Variants in SBNO2 observed in about 807,000 individuals in gnomAD.
The protein encoded by SBNO2 is strawberry notch homolog 2, also known as protein strawberry notch homolog 2.
A neutral mutation model predicts 146.3 loss-of-function variants in SBNO2; 89 were observed. That is an observed-to-expected ratio of 0.61 (90% CI 0.51 to 0.73). The LOEUF (loss-of-function observed/expected upper bound fraction) is 0.73. Ranked by LOEUF, SBNO2 falls within the 30% of genes least tolerant of loss-of-function variation. SBNO2 has a pLI of 0.00. For synonymous variants in SBNO2, 1,147 were observed against 892.6 expected (o/e 1.29, Z -5.08); for missense variants, 2,092 against 2,003.7 (o/e 1.04, Z -0.84).
chr19:1,129,100 T>C (rs2079999804), intron 4 of SBNO2, among the ~76,000 whole-genome samples: 2 of 148,284 alleles, frequency 1.3e-5, no homozygotes, highest in African/African-American at 2.5e-5. Context: ...AACCCTGTCT[T>C]TACTAAAAAC....
At chr19:1,125,322 G>A (rs939980036) in intron 5 of SBNO2, among the ~76,000 whole-genome samples, 4 of 140,554 alleles carry the variant, frequency 2.8e-5, no homozygotes, top group African/African-American at 1.1e-4. Context: ...TCACGCCATT[G>A]TACTCCAGCC....
chr19:1,127,502 G>A (rs751748356), intron 5 of SBNO2, 102 bp downstream of exon 5: 10 of 1,112,088 alleles, frequency 9.0e-6, no homozygotes, highest in East Asian at 4.7e-5. Flanking sequence ...CCATTGGCAC[G>A]CAGAGTGGGG....
At chr19:1,156,812 T>G (rs1270871783) in intron 1 of SBNO2, among the ~76,000 whole-genome samples, 1 of 149,510 alleles carries the variant, frequency 6.7e-6, no homozygotes, top group African/African-American at 2.4e-5. Context: ...CAGAAGGGGA[T>G]GCGTGGGTGC....
At chr19:1,170,694 A>G (rs2080468859) in intron 1 of SBNO2, among the ~76,000 whole-genome samples, 1 of 152,148 alleles carries the variant, frequency 6.6e-6, no homozygotes, top group Admixed American at 6.5e-5. Context: ...TGCACAAGAC[A>G]TGCACAAGCA....
At position 1,123,986 on chromosome 19, in the gene SBNO2, C is replaced by T. The variant is rs1473320120; in HGVS notation, c.478G>A (p.Asp160Asn). 1 of 1,612,098 alleles carries T rather than the reference C, an allele frequency of 6.2e-7. No individual in the cohort carries two copies. The highest frequency in any genetic ancestry group is 1.1e-5 in the South Asian group (1 of 90,828). Reference sequence around the variant, plus strand: ...GGGGTGCTGTGGGAGGGCAGAAAGTCCTCGAAGCCTGCAAACGGCCTGCTG... The same window carrying T: ...GGGGTGCTGTGGGAGGGCAGAAAGTTCTCGAAGCCTGCAAACGGCCTGCTG... ...QLSRPFAGFE[D>N]FLPSHSTPLL... The change falls in exon 6 of 32, where the codon GAC (aspartate) becomes AAC (asparagine). Residue 160 changes from aspartate (D) to asparagine (N), a missense_variant. Coordinates refer to ENST00000361757, the MANE Select transcript of SBNO2 (RefSeq NM_014963.3).
At chr19:1,143,582 G>A (rs1156994694) in intron 4 of SBNO2, among the ~76,000 whole-genome samples, 1 of 152,162 alleles carries the variant, frequency 6.6e-6, no homozygotes, top group Non-Finnish European at 1.5e-5. Flanking sequence ...CCTCCCGGGG[G>A]CTCCAGGGGA....
At position 1,172,775 on chromosome 19, in the gene SBNO2, A is replaced by ACCCCCCCCCCCCCCCCCC. The variant is rs200691444; in HGVS notation, c.-127+1396_-127+1397insGGGGGGGGGGGGGGGGGG. Among the ~76,000 whole-genome samples the ACCCCCCCCCCCCCCCCCC allele has an allele frequency of 4.3e-4, 17 of 39,602 alleles. 5 individuals are homozygous for ACCCCCCCCCCCCCCCCCC. Among genetic ancestry groups the ACCCCCCCCCCCCCCCCCC allele is most frequent in the African/African-American group, 4.0e-4 (2 of 4,996 alleles). 26.0% of individuals were successfully genotyped at this position (39,602 alleles called of 152,430 possible). A position where few individuals can be genotyped will look rare whatever the true frequency, so the allele number is the denominator to read the frequency against. On this transcript the variant is annotated intron_variant, in intron 1 of 31. Transcript: ENST00000361757. ...GCCCCTCTGTAAAACACTCACTGCA[A>ACCCCCCCCCCCCCCCCCC]CCGCCCCCCCCGCCCCGGCAAACTG... is the stretch of plus-strand genomic sequence containing the variant.
Position 1,157,112 on chromosome 19 carries a change from G to A in SBNO2, c.-126-2710C>T, listed in dbSNP as rs1202707559. 2.0e-5 allele frequency among the ~76,000 whole-genome samples: 3 copies of A among 151,770 alleles called. No individual in the cohort carries two copies. The highest frequency in any genetic ancestry group is 4.8e-5 in the African/African-American group (2 of 41,348). ...AGCCCCTAGCCCTGCCTGCAGACTC[G>A]GTCCTGTCCGAGGGCCCACGCCCCC... On this transcript the variant is annotated intron_variant, in intron 1 of 31. Coordinates refer to ENST00000361757, the MANE Select transcript of SBNO2 (RefSeq NM_014963.3). The surrounding 1 kb of genome is among the most constrained non-coding windows in gnomAD (Gnocchi z 6.8).
chr19:1,116,724 T>A, intron 16 of SBNO2, 105 bp downstream of exon 16: 1 of 995,848 alleles, frequency 1.0e-6, no homozygotes, highest in Non-Finnish European at 1.5e-6. Flanking sequence ...CCCCAGCACC[T>A]CCTGCTGCTG....
intron 4 of SBNO2, among the ~76,000 whole-genome samples, chr19:1,130,247 C>T (rs370180924): frequency 3.3e-5 from 5 of 152,174 alleles, no homozygotes; most frequent in Non-Finnish European, 5.9e-5. Flanking sequence ...CAGCCACAGA[C>T]GGGAGATAGA....
intron 1 of SBNO2, among the ~76,000 whole-genome samples, chr19:1,172,964 G>C (rs1055184189): frequency 6.6e-6 from 1 of 150,946 alleles, no homozygotes; most frequent in Non-Finnish European, 1.5e-5. Context: ...AGCAGCCAGG[G>C]GAGGCCCCGG....
chr19:1,122,573 C>A lies in SBNO2; in HGVS notation c.915-15G>T. The A allele has an allele frequency of 6.6e-7, 1 of 1,526,478 alleles. No individual in the cohort carries two copies. The highest frequency in any genetic ancestry group is 2.5e-5 in the East Asian group (1 of 40,604). The allele number at this position is 1,526,478 out of a possible 1,614,324, so 94.6% of individuals were successfully genotyped here. A position where few individuals can be genotyped will look rare whatever the true frequency, so the allele number is the denominator to read the frequency against. On this transcript the variant is annotated splice_polypyrimidine_tract_variant and intron_variant, in intron 9 of 31. Transcript: ENST00000361757. ...AGACGCTGAACCTGCGGGGTGGGGG[C>A]GTCAGGCGCGCCCACCCTTCCCCCT...
rs1017515974 is a variant in SBNO2 at position 1,108,549 on chromosome 19, C to T, written c.3772G>A (p.Asp1258Asn). 7.2e-6 allele frequency: 9 copies of T among 1,243,784 alleles called. No individual in the cohort carries two copies. Among genetic ancestry groups the T allele is most frequent in the Non-Finnish European group, 9.1e-6 (9 of 994,450 alleles). 77.0% of individuals were successfully genotyped at this position (1,243,784 alleles called of 1,614,324 possible). ...ALPCGPGEVLDLTYSPPAEAF... is the reference protein window; with the variant it reads ...ALPCGPGEVLNLTYSPPAEAF... ...TCGGCCGGGGGGCTGTAGGTGAGGTCCAGCACCTCTCCGGGGCCGCAAGGC... is the reference window on the plus strand; with the variant it reads ...TCGGCCGGGGGGCTGTAGGTGAGGTTCAGCACCTCTCCGGGGCCGCAAGGC... The change falls in exon 32 of 32, where the codon GAC (aspartate) becomes AAC (asparagine). Residue 1258 changes from aspartate to asparagine, a missense_variant. By Grantham distance (23) the Asp-to-Asn change is conservative (BLOSUM62 1). Transcript: ENST00000361757.
intron 4 of SBNO2, among the ~76,000 whole-genome samples, chr19:1,132,472 G>T (rs1379750155): frequency 2.0e-5 from 3 of 152,212 alleles, no homozygotes; most frequent in African/African-American, 7.2e-5. Flanking sequence ...GGGGCACCCG[G>T]CGGACGTGCA....
intron 1 of SBNO2, among the ~76,000 whole-genome samples, chr19:1,155,795 G>A (rs2080284888): frequency 1.3e-5 from 2 of 152,156 alleles, no homozygotes; most frequent in African/African-American, 4.8e-5. Flanking sequence ...CTGATACCGG[G>A]GTCCCCATCC....
At position 1,110,894 on chromosome 19, in the gene SBNO2, AG is replaced by A; in HGVS notation, c.2885-7del. 6.2e-7 allele frequency: 1 copy of A among 1,613,306 alleles called. No homozygotes were observed. Among genetic ancestry groups the A allele is most frequent in the Non-Finnish European group, 8.5e-7 (1 of 1,179,432 alleles). On this transcript the variant is annotated splice_polypyrimidine_tract_variant and splice_region_variant and intron_variant, in intron 25 of 31. Transcript: ENST00000361757. The surrounding 1 kb of genome is among the most constrained non-coding windows in gnomAD (Gnocchi z 4.9). ...GAACTTGGTGATGGAACAGTCTGGT[AG>A]GGGAGGGAGCCAAGCCTCAGGCTGC...
At chr19:1,118,960 AT>A in intron 14 of SBNO2, 50 bp downstream of exon 14, 1 of 1,535,238 alleles carries the variant, frequency 6.5e-7, no homozygotes, top group Non-Finnish European at 8.8e-7. Flanking sequence ...CGGGGGAGCA[AT>A]TTCACCCGGG....
rs1310919096 is a variant in SBNO2, at chr19:1,109,771, G to C, written c.3035C>G (p.Ala1012Gly). ...CTCGTAGATCTCCTCGATACCGGGAGCAAGGTCTAGGGGGGCGGGTGGAGG... is the reference window on the plus strand; with the variant it reads ...CTCGTAGATCTCCTCGATACCGGGACCAAGGTCTAGGGGGGCGGGTGGAGG... Reference protein sequence around the residue: ...GKYDMGILDLAPGIEEIYEES... With the variant: ...GKYDMGILDLGPGIEEIYEES... The change falls in exon 27 of 32, where the codon GCT becomes GGT. Residue 1012 changes from alanine (A) to glycine (G), a missense_variant. Physicochemically the swap from Ala to Gly is moderately conservative, Grantham distance 60. Coordinates refer to ENST00000361757, the MANE Select transcript of SBNO2 (RefSeq NM_014963.3). The surrounding 1 kb of genome is among the most constrained non-coding windows in gnomAD (Gnocchi z 4.2). 3 of 1,492,730 alleles carry C rather than the reference G, an allele frequency of 2.0e-6. No individual in the cohort carries two copies. In the African/African-American group the frequency reaches 4.2e-5, roughly 21 times the overall value. The allele number at this position is 1,492,730 out of a possible 1,614,324, so 92.5% of individuals were successfully genotyped here.
rs536791016 is a variant in SBNO2 at position 1,108,951 on chromosome 19, C to T, written c.3444G>A (p.Leu1148=). 3 of 1,548,552 alleles carry T rather than the reference C, an allele frequency of 1.9e-6. No individual in the cohort carries two copies. The highest frequency in any genetic ancestry group is 2.4e-5 in the East Asian group (1 of 42,070). Residue 1148 remains leucine (L), a synonymous_variant, in exon 31 of 32, where the codon CTG becomes CTA. Coordinates refer to ENST00000361757, the MANE Select transcript of SBNO2 (RefSeq NM_014963.3). ...SHSAWNRHCR[L]AQEGKDCLQG... is the part of the protein sequence containing the mutation. Reference sequence around the variant, plus strand: ...GCAGGCAGTCCTTACCCTCCTGCGCCAGCCGGCAGTGCCGGTTCCTGCGGA... The same window carrying T: ...GCAGGCAGTCCTTACCCTCCTGCGCTAGCCGGCAGTGCCGGTTCCTGCGGA...
Sources: allele counts gnomAD v4.1 joint callset (sites outside exome capture counted in the v4.1 genomes callset), GRCh38; gene constraint gnomAD v4.1.1; non-coding constraint Gnocchi (gnomAD v3.1); transcripts MANE v1.5; gene names NCBI Gene and HGNC (gene_info 2026-07-23, HGNC 2026-07-21).